The following NFASC variants were observed in gnomAD, a reference collection of about 807,000 sequenced individuals.
The protein encoded by NFASC is neurofascin homolog.
NFASC carries 43 observed loss-of-function variants against 147.5 expected under a neutral mutation model. The ratio of observed to expected loss-of-function variants is 0.29; its 90% confidence interval spans 0.23 to 0.38. The LOEUF (loss-of-function observed/expected upper bound fraction) is 0.38. Among genes scored for constraint, NFASC ranks in the 10% least tolerant of loss-of-function variants. The pLI is 1.00. For missense variants in NFASC, 1,320 were observed against 1,689.0 expected (o/e 0.78, Z 3.83); for synonymous variants, 622 against 665.5 (o/e 0.93, Z 1.01).
At chr1:204,837,286 A>G (rs1232785753) in intron 1 of NFASC, among the ~76,000 whole-genome samples, 1 of 152,256 alleles carries the variant, frequency 6.6e-6, no homozygotes. Flanking sequence ...AGAGATGGGT[A>G]GGACCTGAAC....
chr1:204,997,916 G>T (rs2095881082), intron 25 of NFASC: 1 of 173,206 alleles, frequency 5.8e-6, no homozygotes, highest in Non-Finnish European at 1.2e-5. Flanking sequence ...AGGCAGCTCT[G>T]TTCCCAGAAC....
intron 15 of NFASC, 33 bp from the exon 16 acceptor site, chr1:204,976,638 C>T: frequency 6.4e-7 from 1 of 1,555,562 alleles, no homozygotes; most frequent in Non-Finnish European, 8.8e-7. Context: ...TCCCCTACCC[C>T]CTCCTCCCAA....
At chr1:204,852,705 G>A (rs937864390) in intron 1 of NFASC, among the ~76,000 whole-genome samples, 2 of 152,176 alleles carry the variant, frequency 1.3e-5, no homozygotes, top group African/African-American at 4.8e-5. Context: ...TCTCCTACCA[G>A]CTGAGTTTTC....
At chr1:204,922,706 G>A (rs1362776571) in intron 2 of NFASC, among the ~76,000 whole-genome samples, 1 of 152,104 alleles carries the variant, frequency 6.6e-6, no homozygotes, top group African/African-American at 2.4e-5. Context: ...CCAGTCTGAG[G>A]CACCCACAAA....
Position 204,968,232 on chromosome 1 carries a change from G to A in NFASC, c.707-17G>A, listed in dbSNP as rs1450034603. 6.2e-7 allele frequency: 1 copy of A among 1,601,076 alleles called. No homozygotes were observed. The highest frequency in any genetic ancestry group is 8.6e-7 in the Non-Finnish European group (1 of 1,168,146). On this transcript the variant is annotated splice_polypyrimidine_tract_variant and intron_variant, in intron 8 of 29. Coordinates refer to ENST00000339876, the MANE Select transcript of NFASC (RefSeq NM_001005388.3). The surrounding 1 kb of genome is among the most constrained non-coding windows in gnomAD (Gnocchi z 5.4). ...TCTGGAAGGAGGCTCATGGGAGTTT[G>A]TTCTCTCCTGTTTCAGCCCGAGGAG...
chr1:204,873,404 C>A (rs764828358), intron 1 of NFASC, among the ~76,000 whole-genome samples: 2 of 152,172 alleles, frequency 1.3e-5, no homozygotes, highest in Non-Finnish European at 2.9e-5. Flanking sequence ...TAGGAAAAAG[C>A]CAGGGAGGCC....
rs527281268 is a variant in NFASC at position 204,858,902 on chromosome 1, C to A, written c.-200+30120C>A. Among the ~76,000 whole-genome samples the A allele has an allele frequency of 3.3e-5, 5 of 152,262 alleles. No homozygotes were observed. In the South Asian group the frequency reaches 1.0e-3, roughly 32 times the overall value. Reference sequence around the variant, plus strand: ...CAGGCATCTTGCTTTAGTGGAAGCACACGGGGCACTCCTTTATCTCACAGC... The same window carrying A: ...CAGGCATCTTGCTTTAGTGGAAGCAAACGGGGCACTCCTTTATCTCACAGC... On this transcript the variant is annotated intron_variant, in intron 1 of 29. Transcript: ENST00000339876.
At chr1:204,905,610 G>A (rs1022423492) in intron 1 of NFASC, among the ~76,000 whole-genome samples, 10 of 151,704 alleles carry the variant, frequency 6.6e-5, no homozygotes, top group African/African-American at 9.7e-5. Flanking sequence ...TTATCTTATC[G>A]TATAGCATCC....
rs1558239259 is a variant in NFASC at position 204,954,809 on chromosome 1, C to G, written c.413-20C>G. 1 of 1,613,928 alleles carries G rather than the reference C, an allele frequency of 6.2e-7. No homozygotes were observed. The highest frequency in any genetic ancestry group is 1.1e-5 in the South Asian group (1 of 91,068). On this transcript the variant is annotated intron_variant, in intron 6 of 29. Transcript: ENST00000339876. This position sits in a 1 kb window ranked among gnomAD's most constrained non-coding sequence, Gnocchi z 5.7. Reference sequence around the variant, plus strand: ...CCAGCCATCACCCTCACTTTATCCTCTTTGTCCACTTCTCTCCAGAATCTC... The same window carrying G: ...CCAGCCATCACCCTCACTTTATCCTGTTTGTCCACTTCTCTCCAGAATCTC...
At chr1:204,935,027 T>C (rs1189874951) in intron 2 of NFASC, among the ~76,000 whole-genome samples, 2 of 152,198 alleles carry the variant, frequency 1.3e-5, no homozygotes, top group East Asian at 3.9e-4. Flanking sequence ...AACAGACAAT[T>C]AATTGACACT....
In NFASC at chr1:205,016,529, C is replaced by T. The variant is rs1435258353; in HGVS notation, c.3713C>T (p.Ser1238Phe). Residue 1238 changes from serine (S) to phenylalanine (F), a missense_variant, in exon 30 of 30, where the codon TCT becomes TTT. By Grantham distance (155) the Ser-to-Phe change is radical. Around this residue, in one of 3 missense-constraint regions of NFASC, gnomAD observed 167 missense variants for 233.8 expected, o/e 0.71. Transcript: ENST00000339876. This position sits in a 1 kb window ranked among gnomAD's most constrained non-coding sequence, Gnocchi z 5.1. ...ACGTCACCTGTCAATGCTATCTACT[C>T]TCTGGCCTAACGGAGCCCACCCAGG... ...EATSPVNAIY[S>F]LA 6.2e-7 allele frequency: 1 copy of T among 1,613,306 alleles called. No homozygotes were observed. Among genetic ancestry groups the T allele is most frequent in the African/African-American group, 1.3e-5 (1 of 75,026 alleles).
chr1:204,857,757 T>C (rs1284950150), intron 1 of NFASC, among the ~76,000 whole-genome samples: 8 of 152,092 alleles, frequency 5.3e-5, no homozygotes, highest in Non-Finnish European at 1.2e-4. Context: ...CAGAAACTTC[T>C]TTCCCCACAA....
rs116132453 is a variant in NFASC at position 204,928,128 on chromosome 1, C to A, written c.-91+7388C>A. ...TTTGTATGGCAGGAGACTGGTCAGG[C>A]TGTCAGTGACTAGTAGGGCCTGAAT... On this transcript the variant is annotated intron_variant, in intron 2 of 29. Transcript: ENST00000339876. Among the ~76,000 whole-genome samples the A allele has an allele frequency of 3.9e-3, 593 of 152,330 alleles. 3 individuals carry two copies. Among genetic ancestry groups the A allele is most frequent in the Non-Finnish European group, 6.9e-3 (470 of 68,032 alleles).
intron 8 of NFASC, among the ~76,000 whole-genome samples, chr1:204,966,246 C>T (rs1451049532): frequency 6.6e-6 from 1 of 152,152 alleles, no homozygotes; most frequent in East Asian, 1.9e-4. Context: ...GCTAAATTTT[C>T]CTCCTTCCCA....
At chr1:204,841,841 C>T (rs1675458692) in intron 1 of NFASC, among the ~76,000 whole-genome samples, 1 of 152,152 alleles carries the variant, frequency 6.6e-6, no homozygotes, top group East Asian at 1.9e-4. Flanking sequence ...AGGTTTAGCA[C>T]TGAGATGAGG....
Position 204,906,754 on chromosome 1 carries a change from C to CA in NFASC, c.-199-13878_-199-13877insA. Among the ~76,000 whole-genome samples, 2 of 57,282 alleles carry CA rather than the reference C, an allele frequency of 3.5e-5. 1 individual carries two copies. Among genetic ancestry groups the CA allele is most frequent in the Admixed American group, 2.5e-4 (2 of 7,998 alleles). 37.6% of individuals were successfully genotyped at this position (57,282 alleles called of 152,430 possible). ...CTGGAGTGCAGTGGCGCGATCTCGG[C>CA]TCACTGCAAGCTCCGCCTCCCGGGC... On this transcript the variant is annotated intron_variant, in intron 1 of 29. Coordinates refer to ENST00000339876, the MANE Select transcript of NFASC (RefSeq NM_001005388.3).
At chr1:204,841,896 T>C (rs116628582) in intron 1 of NFASC, among the ~76,000 whole-genome samples, 282 of 152,298 alleles carry the variant, frequency 1.9e-3, no homozygotes, top group African/African-American at 6.5e-3. Context: ...GCTTCAGCTG[T>C]GATGCTATTG....
chr1:204,930,098 G>A (rs2149565184), intron 2 of NFASC, among the ~76,000 whole-genome samples: 1 of 152,282 alleles, frequency 6.6e-6, no homozygotes, highest in South Asian at 2.1e-4. Context: ...AGAGCCTCAG[G>A]ATGAAAGAGA....
At chr1:204,911,976 T>A (rs2087642528) in intron 1 of NFASC, among the ~76,000 whole-genome samples, 1 of 152,170 alleles carries the variant, frequency 6.6e-6, no homozygotes, top group Admixed American at 6.5e-5. Context: ...TACAGTGGCA[T>A]CCCTCATTCA....
Sources: gnomAD v4.1 joint callset for allele counts (sites outside exome capture counted in the v4.1 genomes callset) on GRCh38, gnomAD v4.1.1 for gene constraint, gnomAD v4.1.1 regional missense constraint, Gnocchi (gnomAD v3.1) non-coding constraint, MANE v1.5 for transcripts, NCBI Gene and HGNC (gene_info 2026-07-23, HGNC 2026-07-21) for gene names.